The following LONP2 variants were observed in gnomAD, a reference collection of about 807,000 sequenced individuals.
The protein encoded by LONP2 is lon peptidase 2, peroxisomal, also known as lon protease homolog 2, peroxisomal.
A neutral mutation model predicts 85.6 loss-of-function variants in LONP2; 60 were observed. The observed-to-expected ratio is 0.70, with a 90% confidence interval of 0.57 to 0.87. The LOEUF (loss-of-function observed/expected upper bound fraction) is 0.87. LONP2 is among the 40% of genes least tolerant of loss of function. The pLI is 0.00. For missense variants in LONP2, 860 were observed against 1,063.5 expected (o/e 0.81, Z 2.66); for synonymous variants, 395 against 389.7 (o/e 1.01, Z -0.16).
Position 48,347,575 on chromosome 16 carries a change from C to T in LONP2, c.2007C>T (p.Ile669=). Residue 669 remains isoleucine (I), a synonymous_variant, in exon 13 of 15, where the codon ATC becomes ATT. Transcript: ENST00000285737. ...CTTGGACTCCCTTAGGTGGAGAAAT[C>T]ATGTTCGTGGAGGCGAGTCGAATGG... ...GLAWTPLGGE[I]MFVEASRMDG... 1 of 1,613,846 alleles carries T rather than the reference C, an allele frequency of 6.2e-7. No homozygotes were observed. Among genetic ancestry groups the T allele is most frequent in the Admixed American group, 1.7e-5 (1 of 60,024 alleles).
At chr16:48,351,470 T>C (rs1447523075) in intron 14 of LONP2, 111 bp from the exon 15 acceptor site, 2 of 787,294 alleles carry the variant, frequency 2.5e-6, no homozygotes, top group Non-Finnish European at 2.0e-6. Flanking sequence ...GGAAGATGAT[T>C]TGGATGTTTT....
At chr16:48,360,304 T>C (rs1454661138), downstream of LONP2, among the ~76,000 whole-genome samples, 1 of 152,204 alleles carries the variant, frequency 6.6e-6, no homozygotes, top group Non-Finnish European at 1.5e-5. Context: ...AGCATTTTAG[T>C]CATTCTCCTG....
rs745885298 is a variant in LONP2 at position 48,299,695 on chromosome 16, A to G, written c.1568A>G (p.His523Arg). 7 of 1,613,834 alleles carry G rather than the reference A, an allele frequency of 4.3e-6. No homozygotes were observed. In the Admixed American group the frequency reaches 5.0e-5, roughly 12 times the overall value. ...CAGGAGGAGAAGATAGAGATTGCCC[A>G]TAGGCACTTGATCCCCAAGCAGCTG... Reference protein sequence around the residue: ...YTQEEKIEIAHRHLIPKQLEQ... With the variant: ...YTQEEKIEIARRHLIPKQLEQ... Residue 523 changes from histidine to arginine, a missense_variant, in exon 10 of 15, where the codon CAT (histidine) becomes CGT (arginine). By Grantham distance (29) the His-to-Arg change is conservative. Coordinates refer to ENST00000285737, the MANE Select transcript of LONP2 (RefSeq NM_031490.5).
chr16:48,253,368 G>A lies in LONP2; in HGVS notation c.468+1003G>A, dbSNP rs542226191. Among the ~76,000 whole-genome samples, 407 of 152,104 alleles carry A rather than the reference G, an allele frequency of 2.7e-3. 1 individual carries two copies. Among genetic ancestry groups the A allele is most frequent in the African/African-American group, 9.7e-3 (401 of 41,470 alleles). ...GCCTGTAGTCCCAGCTACTGGGGAG[G>A]CTGAGGTGGGAGGATTACTTGAACC... On this transcript the variant is annotated intron_variant, in intron 2 of 14. Transcript: ENST00000285737.
chr16:48,311,681 C>T (rs1410936811), intron 11 of LONP2, among the ~76,000 whole-genome samples: 1 of 152,088 alleles, frequency 6.6e-6, no homozygotes, highest in Non-Finnish European at 1.5e-5. Context: ...GTTGCCTTGT[C>T]TGGAGTGCAG....
At position 48,271,915 on chromosome 16, in the gene LONP2, A is replaced by G. The variant is rs1032778886; in HGVS notation, c.1241+1641A>G. Among the ~76,000 whole-genome samples, 8 of 152,196 alleles carry G rather than the reference A, an allele frequency of 5.3e-5. 1 individual carries two copies. The highest frequency in any genetic ancestry group is 4.6e-4 in the Admixed American group (7 of 15,278). On this transcript the variant is annotated intron_variant, in intron 7 of 14. Coordinates refer to ENST00000285737, the MANE Select transcript of LONP2 (RefSeq NM_031490.5). ...AGTTTGCTTTCGTAAAGGAATTGGC[A>G]TTTCTCTTGGACCAAACTCAAAGAA...
At chr16:48,332,823 G>A (rs368130407) in intron 11 of LONP2, among the ~76,000 whole-genome samples, 2 of 152,084 alleles carry the variant, frequency 1.3e-5, no homozygotes, top group South Asian at 2.1e-4. Context: ...CAGGAGAATC[G>A]CTTGAACCCA....
At chr16:48,274,585 T>C (rs557566340) in intron 7 of LONP2, among the ~76,000 whole-genome samples, 61 of 152,112 alleles carry the variant, frequency 4.0e-4, no homozygotes, top group Middle Eastern at 6.8e-3. Context: ...AAGACTGTTT[T>C]TCTTTTTGAG....
In LONP2 at chr16:48,351,797, CTG is replaced by C; in HGVS notation, c.2556_2557del (p.Ter853GlyfsTer10). 1 of 1,613,146 alleles carries C rather than the reference CTG, an allele frequency of 6.2e-7. No homozygotes were observed. The highest frequency in any genetic ancestry group is 1.1e-5 in the South Asian group (1 of 91,056). On this transcript the variant is annotated frameshift_variant, in exon 15 of 15. Transcript: ENST00000285737. LOFTEE classifies it high-confidence loss of function. The part of the protein sequence containing the change: ...KTRPGLLNSK[L>X] ...CAGACCTGGTCTGTTAAATAGCAAA[CTG>C]TAGGTCCAAATCTCAATTTTTTAGA...
intron 7 of LONP2, among the ~76,000 whole-genome samples, chr16:48,276,231 C>T (rs1029973994): frequency 6.6e-6 from 1 of 152,174 alleles, no homozygotes; most frequent in African/African-American, 2.4e-5. Flanking sequence ...TCACCTTTCC[C>T]GGATGAAAGG....
At chr16:48,248,126 C>G (rs1379676403) in intron 1 of LONP2, among the ~76,000 whole-genome samples, 3 of 151,148 alleles carry the variant, frequency 2.0e-5, no homozygotes, top group African/African-American at 7.3e-5. Flanking sequence ...CTAAGTTGTT[C>G]TACTTTAATT....
intron 12 of LONP2, chr16:48,334,855 C>T (rs1480109792): frequency 1.0e-5 from 5 of 488,494 alleles, no homozygotes; most frequent in Non-Finnish European, 2.1e-5. Context: ...AGATCCACAT[C>T]TCAGCGTCTG....
chr16:48,338,982 T>C (rs1959737788), intron 12 of LONP2, among the ~76,000 whole-genome samples: 1 of 152,134 alleles, frequency 6.6e-6, no homozygotes, highest in Non-Finnish European at 1.5e-5. Context: ...GATCTATTGC[T>C]CAGAGGAAAT....
At chr16:48,312,704 C>T (rs936119618) in intron 11 of LONP2, among the ~76,000 whole-genome samples, 1 of 152,168 alleles carries the variant, frequency 6.6e-6, no homozygotes, top group Non-Finnish European at 1.5e-5. Context: ...AACTTGCTTT[C>T]TTCCAAGGCA....
intron 7 of LONP2, 83 bp downstream of exon 7, chr16:48,270,357 A>G: frequency 2.8e-6 from 4 of 1,444,978 alleles, no homozygotes; most frequent in Non-Finnish European, 3.8e-6. Flanking sequence ...GGCATAGCAT[A>G]CATCTATTTT....
chr16:48,275,762 C>T (rs994727451), intron 7 of LONP2, among the ~76,000 whole-genome samples: 1 of 152,050 alleles, frequency 6.6e-6, no homozygotes, highest in African/African-American at 2.4e-5. Flanking sequence ...TGAAAAGCCT[C>T]GAACTCCAGA....
At position 48,244,619 on chromosome 16, in the gene LONP2, C is replaced by A. The variant is rs1351457177; in HGVS notation, c.231C>A (p.His77Gln). 2.8e-6 allele frequency: 4 copies of A among 1,406,680 alleles called. No homozygotes were observed. Among genetic ancestry groups the A allele is most frequent in the African/African-American group, 1.5e-5 (1 of 66,192 alleles). The allele number at this position is 1,406,680 out of a possible 1,614,324, so 87.1% of individuals were successfully genotyped here. ...ASDAQDLPPL[H>Q]RIGTAALAVQ... ...ACGCGCAGGACCTGCCGCCGCTGCA[C>A]AGGTAGGCCTGGCTGCCCCCGCGGC... is the stretch of plus-strand genomic sequence containing the variant. Residue 77 changes from histidine (H) to glutamine (Q), a missense_variant and splice_region_variant, in exon 1 of 15, where the codon CAC (histidine) becomes CAA (glutamine). His to Gln is a conservative substitution (Grantham distance 24). Around this residue, in one of 3 missense-constraint regions of LONP2, gnomAD observed 743 missense variants for 917.3 expected, o/e 0.81. Coordinates refer to ENST00000285737, the MANE Select transcript of LONP2 (RefSeq NM_031490.5).
intron 7 of LONP2, 108 bp downstream of exon 7, chr16:48,270,382 G>A: frequency 8.5e-7 from 1 of 1,183,410 alleles, no homozygotes; most frequent in Non-Finnish European, 1.2e-6. Context: ...AAAGGGCTAT[G>A]TGTGGTACCT....
In LONP2 at chr16:48,326,008, G is replaced by C. The variant is rs1440471863; in HGVS notation, c.1796-8208G>C. Among the ~76,000 whole-genome samples the C allele has an allele frequency of 6.6e-5, 10 of 152,170 alleles. No individual in the cohort carries two copies. The South Asian group carries it at 2.1e-3, about 32-fold the overall frequency. On this transcript the variant is annotated intron_variant, in intron 11 of 14. Coordinates refer to ENST00000285737, the MANE Select transcript of LONP2 (RefSeq NM_031490.5). ...ACTGTCTGTGAATGCTGTGGACTTA[G>C]GCAGTTTGTTTAAGCTTGTTTAAAC...
Sources: allele counts gnomAD v4.1 joint callset (sites outside exome capture counted in the v4.1 genomes callset), GRCh38; gene constraint gnomAD v4.1.1; regional missense constraint gnomAD v4.1.1; transcripts MANE v1.5; gene names NCBI Gene and HGNC (gene_info 2026-07-23, HGNC 2026-07-21).